The following LIFR variants were observed in gnomAD, a reference collection of about 807,000 sequenced individuals.
LIFR encodes the protein LIF receptor subunit alpha, also known as leukemia inhibitory factor receptor.
Under a neutral mutation model 122.2 loss-of-function variants are expected in LIFR, and 84 were observed. That is an observed-to-expected ratio of 0.69 (90% CI 0.58 to 0.82). LIFR has a LOEUF of 0.82. Among genes scored for constraint, LIFR ranks in the 40% least tolerant of loss-of-function variants. The pLI is 0.00. For missense variants in LIFR, 1,294 were observed against 1,311.6 expected (o/e 0.99, Z 0.21); for synonymous variants, 422 against 434.7 (o/e 0.97, Z 0.36).
Position 38,497,449 on chromosome 5 carries a change from T to G in LIFR, c.1672-854A>C, listed in dbSNP as rs144750219. Among the ~76,000 whole-genome samples, 92 of 152,342 alleles carry G rather than the reference T, an allele frequency of 6.0e-4. 2 individuals carry two copies. The South Asian group carries it at 0.01, about 17-fold the overall frequency. On this transcript the variant is annotated intron_variant, in intron 12 of 19. Coordinates refer to ENST00000453190, the MANE Select transcript of LIFR (RefSeq NM_001127671.2). ...AATTAAGTGAATAAAAAACAATATT[T>G]ATCTCCACATTTTTCAGGAGCAAAA...
intron 16 of LIFR, 75 bp downstream of exon 16, chr5:38,489,003 A>C: frequency 8.0e-7 from 1 of 1,250,188 alleles, no homozygotes; most frequent in Non-Finnish European, 1.2e-6. Flanking sequence ...ACTGAGCAGG[A>C]CTTTCCTTTT....
intron 1 of LIFR, among the ~76,000 whole-genome samples, chr5:38,544,287 C>T (rs1051092381): frequency 7.2e-5 from 11 of 152,068 alleles, no homozygotes; most frequent in African/African-American, 2.4e-4. Flanking sequence ...AGTTTAAAAC[C>T]GTCTAGTGGA....
chr5:38,550,198 T>C (rs1472263618), intron 1 of LIFR: 41 of 915,174 alleles, frequency 4.5e-5, no homozygotes, highest in Non-Finnish European at 5.1e-5. Context: ...AAAGTGACAA[T>C]TTCCAAAATC....
intron 1 of LIFR, among the ~76,000 whole-genome samples, chr5:38,587,044 C>G (rs1192710956): frequency 6.6e-6 from 1 of 152,162 alleles, no homozygotes; most frequent in Non-Finnish European, 1.5e-5. Context: ...ATAAGGTAGA[C>G]TGATGTTGGT....
chr5:38,545,256 C>G (rs186765293), intron 1 of LIFR, among the ~76,000 whole-genome samples: 13 of 147,622 alleles, frequency 8.8e-5, no homozygotes, highest in Non-Finnish European at 1.5e-4. Context: ...GGTGACAGAC[C>G]AAGACTCCGT....
Position 38,480,941 on chromosome 5 carries a change from A to T in LIFR, c.*654T>A, listed in dbSNP as rs748590225. ...ATTATGATTTGGGCTGGTCAGTGTC[A>T]CACTTGTTTTCAAAGTTTGTACCCC... On this transcript the variant is annotated 3_prime_UTR_variant, in exon 20 of 20. Coordinates refer to ENST00000453190, the MANE Select transcript of LIFR (RefSeq NM_001127671.2). 1 of 221,182 alleles carries T rather than the reference A, an allele frequency of 4.5e-6. No individual in the cohort carries two copies. The highest frequency in any genetic ancestry group is 9.1e-6 in the Non-Finnish European group (1 of 110,324). 13.7% of individuals were successfully genotyped at this position (221,182 alleles called of 1,614,324 possible).
intron 4 of LIFR, 39 bp downstream of exon 4, chr5:38,527,116 T>C (rs748145043): frequency 6.5e-7 from 1 of 1,540,602 alleles, no homozygotes; most frequent in African/African-American, 1.4e-5. Context: ...AAGTGACACT[T>C]GACTTACTTT....
Position 38,481,723 on chromosome 5 carries a change from A to G in LIFR, c.3166T>C (p.Ser1056Pro), listed in dbSNP as rs377647437. 1.7e-5 allele frequency: 27 copies of G among 1,614,076 alleles called. No homozygotes were observed. The African/African-American group carries it at 3.3e-4, about 20-fold the overall frequency. Residue 1056 changes from serine to proline, a missense_variant, in exon 20 of 20, where the codon TCA (serine) becomes CCA (proline). Physicochemically the swap from Ser to Pro is moderately conservative, Grantham distance 74. Transcript: ENST00000453190. ...TTAATGGAGCATGGACTTCCAAATG[A>G]GACAATCTCACTGTTGCTGTCTATG... Reference protein sequence around the residue: ...RSIDSNSEIVSFGSPCSINSR... With the variant: ...RSIDSNSEIVPFGSPCSINSR...
chr5:38,478,313 G>C lies in LIFR; in HGVS notation c.*3282C>G, dbSNP rs772253717. The C allele has an allele frequency of 4.9e-6, 1 of 204,446 alleles. No homozygotes were observed. 12.7% of individuals were successfully genotyped at this position (204,446 alleles called of 1,614,324 possible). On this transcript the variant is annotated 3_prime_UTR_variant, in exon 20 of 20. Transcript: ENST00000453190. Reference sequence around the variant, plus strand: ...AATGTAATCTTTCAGATCCACGAGCGGTGAAAGTAATGCTGGTTTGGAAAA... The same window carrying C: ...AATGTAATCTTTCAGATCCACGAGCCGTGAAAGTAATGCTGGTTTGGAAAA...
chr5:38,534,004 T>C (rs372569124), intron 1 of LIFR, among the ~76,000 whole-genome samples: 3 of 152,194 alleles, frequency 2.0e-5, no homozygotes, highest in African/African-American at 7.2e-5. Flanking sequence ...TCTGAACTAC[T>C]GTAAAGGTAA....
chr5:38,539,609 C>T (rs1220490390), intron 1 of LIFR, among the ~76,000 whole-genome samples: 1 of 152,022 alleles, frequency 6.6e-6, no homozygotes, highest in Admixed American at 6.5e-5. Context: ...TTCAATGAAC[C>T]TGTTTGCTAT....
chr5:38,519,179 T>C (rs1053440730), intron 5 of LIFR, among the ~76,000 whole-genome samples: 3 of 152,206 alleles, frequency 2.0e-5, no homozygotes, highest in African/African-American at 7.2e-5. Flanking sequence ...TTTATAAGTT[T>C]AGTGTGGTCT....
intron 12 of LIFR, among the ~76,000 whole-genome samples, chr5:38,497,327 C>T (rs1744935652): frequency 6.6e-6 from 1 of 152,134 alleles, no homozygotes; most frequent in Non-Finnish European, 1.5e-5. Context: ...GTGTAAAACA[C>T]AGATTTAAAA....
At chr5:38,482,277 C>A in intron 19 of LIFR, 59 bp from the exon 20 acceptor site, 2 of 1,520,264 alleles carry the variant, frequency 1.3e-6, no homozygotes, top group Non-Finnish European at 1.8e-6. Flanking sequence ...TGCAATGCTC[C>A]TCCTATAAAA....
chr5:38,587,234 G>T (rs1452114634), intron 1 of LIFR, among the ~76,000 whole-genome samples: 1 of 151,434 alleles, frequency 6.6e-6, no homozygotes, highest in Non-Finnish European at 1.5e-5. Flanking sequence ...ACATCCCAAT[G>T]CAGTGAGTGT....
intron 1 of LIFR, among the ~76,000 whole-genome samples, chr5:38,593,104 G>C (rs531005340): frequency 6.6e-6 from 1 of 152,302 alleles, no homozygotes; most frequent in South Asian, 2.1e-4. Context: ...TCAGGAGGCT[G>C]AGGCGGGAGA....
At chr5:38,540,266 A>C (rs1747518880) in intron 1 of LIFR, among the ~76,000 whole-genome samples, 2 of 152,198 alleles carry the variant, frequency 1.3e-5, no homozygotes, top group African/African-American at 4.8e-5. Flanking sequence ...TTTTGTTTTC[A>C]GAAAACCTTG....
chr5:38,477,181 C>T lies in LIFR; in HGVS notation c.*4414G>A, dbSNP rs542094343. ...ATTGAAAAGGAATAAAAAAATCTAA[C>T]CACCATAGCAAAATAAGGGGTTTAA... is the stretch of plus-strand genomic sequence containing the variant. On this transcript the variant is annotated 3_prime_UTR_variant, in exon 20 of 20. Coordinates refer to ENST00000453190, the MANE Select transcript of LIFR (RefSeq NM_001127671.2). 3.2e-4 allele frequency: 70 copies of T among 221,192 alleles called. No homozygotes were observed. Among genetic ancestry groups the T allele is most frequent in the African/African-American group, 1.5e-3 (67 of 44,850 alleles). 13.7% of individuals were successfully genotyped at this position (221,192 alleles called of 1,614,324 possible). A position where few individuals can be genotyped will look rare whatever the true frequency, so the allele number is the denominator to read the frequency against.
intron 5 of LIFR, among the ~76,000 whole-genome samples, chr5:38,516,327 A>C (rs1487518076): frequency 6.6e-6 from 1 of 152,236 alleles, no homozygotes; most frequent in Admixed American, 6.5e-5. Flanking sequence ...ACAAAGGGCT[A>C]ATATCCAGAA....
Sources: gnomAD v4.1 joint callset for allele counts (sites outside exome capture counted in the v4.1 genomes callset) on GRCh38, gnomAD v4.1.1 for gene constraint, MANE v1.5 for transcripts, NCBI Gene and HGNC (gene_info 2026-07-23, HGNC 2026-07-21) for gene names.